Variants in SLC2A13 observed in about 807,000 individuals in gnomAD.
SLC2A13 encodes proton myo-inositol cotransporter.
Under a neutral mutation model 64.4 loss-of-function variants are expected in SLC2A13, and 32 were observed. The observed-to-expected ratio is 0.50, with a 90% CI of 0.37 to 0.67. SLC2A13 has a LOEUF of 0.67. Among genes scored for constraint, SLC2A13 ranks in the 30% least tolerant of loss-of-function variants. The pLI is 0.00. For missense variants in SLC2A13, 743 were observed against 829.2 expected, an observed-to-expected ratio of 0.90 and a Z score of 1.28; for synonymous variants, 338 against 327.1, an observed-to-expected ratio of 1.03 and a Z score of -0.36.
At chr12:40,082,902 T>C (rs1938459943) in intron 1 of SLC2A13, among the ~76,000 whole-genome samples, 1 of 152,190 alleles carries the variant, frequency 6.6e-6, no homozygotes, top group Non-Finnish European at 1.5e-5. Flanking sequence ...AGCAACTCCA[T>C]GCAGGGTTTC....
intron 1 of SLC2A13, among the ~76,000 whole-genome samples, chr12:40,095,858 AT>A (rs1229543241): frequency 2.6e-5 from 4 of 152,206 alleles, no homozygotes; most frequent in Non-Finnish European, 5.9e-5. Context: ...ATTGCAATTT[AT>A]TTTACAAGCA....
intron 4 of SLC2A13, among the ~76,000 whole-genome samples, chr12:39,890,510 A>C (rs1944577472): frequency 6.6e-6 from 1 of 152,208 alleles, no homozygotes; most frequent in Non-Finnish European, 1.5e-5. Context: ...GCCTAATATA[A>C]GCATGAGAGT....
At chr12:40,057,325 G>T (rs1450107050) in intron 1 of SLC2A13, among the ~76,000 whole-genome samples, 1 of 152,064 alleles carries the variant, frequency 6.6e-6, no homozygotes, top group Non-Finnish European at 1.5e-5. Flanking sequence ...TCAGGTATGG[G>T]TGCTAAAGCT....
intron 7 of SLC2A13, among the ~76,000 whole-genome samples, chr12:39,811,122 T>A (rs1323086453): frequency 6.6e-6 from 1 of 152,100 alleles, no homozygotes; most frequent in Non-Finnish European, 1.5e-5. Flanking sequence ...CTTTTGGAAA[T>A]ATGTGTCACC....
chr12:40,048,308 G>A, intron 1 of SLC2A13, 98 bp from the exon 2 acceptor site: 1 of 1,244,726 alleles, frequency 8.0e-7, no homozygotes, highest in South Asian at 1.9e-5. Context: ...ACATATATGG[G>A]CTTGGTTTTC....
intron 1 of SLC2A13, among the ~76,000 whole-genome samples, chr12:40,092,452 A>G (rs1938799503): frequency 6.6e-6 from 1 of 152,208 alleles, no homozygotes; most frequent in Non-Finnish European, 1.5e-5. Context: ...GATCAGATCA[A>G]CCTCAAGATT....
intron 4 of SLC2A13, among the ~76,000 whole-genome samples, chr12:39,909,996 T>C (rs1945390721): frequency 6.6e-6 from 1 of 152,024 alleles, no homozygotes; most frequent in African/African-American, 2.4e-5. Context: ...GATATCTTTT[T>C]TAAAAAAGTA....
chr12:39,907,434 A>G (rs1945317682), intron 4 of SLC2A13, among the ~76,000 whole-genome samples: 1 of 152,124 alleles, frequency 6.6e-6, no homozygotes, highest in South Asian at 2.1e-4. Flanking sequence ...CTTTTTGTGT[A>G]GCACTCAAGA....
intron 5 of SLC2A13, among the ~76,000 whole-genome samples, chr12:39,870,696 A>C (rs1944025125): frequency 6.6e-6 from 1 of 152,166 alleles, no homozygotes; most frequent in African/African-American, 2.4e-5. Flanking sequence ...TTGCCCCTTA[A>C]TCAGACAATC....
chr12:39,914,918 C>T (rs998793848), intron 4 of SLC2A13, among the ~76,000 whole-genome samples: 4 of 151,700 alleles, frequency 2.6e-5, no homozygotes, highest in Non-Finnish European at 5.9e-5. Context: ...CTAAAATGCA[C>T]GAATTATAAT....
intron 5 of SLC2A13, among the ~76,000 whole-genome samples, chr12:39,871,557 C>T: frequency 6.6e-6 from 1 of 152,020 alleles, no homozygotes; most frequent in Non-Finnish European, 1.5e-5. Flanking sequence ...AAATGTTACC[C>T]TCAGTAGATC....
At chr12:40,034,169 G>A (rs1399104863) in intron 2 of SLC2A13, among the ~76,000 whole-genome samples, 1 of 152,152 alleles carries the variant, frequency 6.6e-6, no homozygotes, top group African/African-American at 2.4e-5. Context: ...AATTGTTTTT[G>A]TAGCCCTTGA....
intron 7 of SLC2A13, among the ~76,000 whole-genome samples, chr12:39,785,030 T>C (rs1016586969): frequency 2.0e-5 from 3 of 152,112 alleles, no homozygotes; most frequent in African/African-American, 4.8e-5. Context: ...AGCCTTATGA[T>C]GTAGTAGAAT....
chr12:40,106,072 C>A lies in SLC2A13; in HGVS notation c.-264G>T. ...CCCCGCGCCTGCCGAGCTGGCGCTG[C>A]GGAGCGGGCGGGAGGCGGGACCGCG... is the stretch of plus-strand genomic sequence containing the variant. On this transcript the variant is annotated 5_prime_UTR_variant, in exon 1 of 10. Transcript: ENST00000280871. 1 of 325,250 alleles carries A rather than the reference C, an allele frequency of 3.1e-6. No individual in the cohort carries two copies. The highest frequency in any genetic ancestry group is 5.5e-6 in the Non-Finnish European group (1 of 183,366). The allele number at this position is 325,250 out of a possible 1,614,324, so 20.1% of individuals were successfully genotyped here.
At chr12:39,877,836 T>G (rs1176473468) in intron 4 of SLC2A13, among the ~76,000 whole-genome samples, 1 of 152,212 alleles carries the variant, frequency 6.6e-6, no homozygotes, top group African/African-American at 2.4e-5. Flanking sequence ...AATTTGGATA[T>G]TCATCCCTGC....
chr12:39,910,950 G>A (rs945667733), intron 4 of SLC2A13, among the ~76,000 whole-genome samples: 1 of 151,908 alleles, frequency 6.6e-6, no homozygotes, highest in African/African-American at 2.4e-5. Flanking sequence ...CAGGTGTAGT[G>A]GCAGGTGCTT....
intron 6 of SLC2A13, 90 bp from the exon 7 acceptor site, chr12:39,830,318 C>A (rs1185203045): frequency 6.6e-7 from 1 of 1,522,526 alleles, no homozygotes; most frequent in East Asian, 2.3e-5. Context: ...GCATTTTCCA[C>A]TCTCTTGTGC....
Position 40,105,904 on chromosome 12 carries a change from TG to T in SLC2A13, c.-97del. On this transcript the variant is annotated 5_prime_UTR_variant, in exon 1 of 10. Coordinates refer to ENST00000280871, the MANE Select transcript of SLC2A13 (RefSeq NM_052885.4). The surrounding 1 kb of genome is among the most constrained non-coding windows in gnomAD (Gnocchi z 4.2). ...CCGAGCCGGCGGGAGCAACCGCCGC[TG>T]CCGCCGCTTTCTTCCTCCCGGCTTC... The T allele has an allele frequency of 1.6e-6, 2 of 1,252,290 alleles. No individual in the cohort carries two copies. Among genetic ancestry groups the T allele is most frequent in the Non-Finnish European group, 2.0e-6 (2 of 990,950 alleles). 77.6% of individuals were successfully genotyped at this position (1,252,290 alleles called of 1,614,324 possible).
chr12:39,810,479 T>C (rs1242794874), intron 7 of SLC2A13, among the ~76,000 whole-genome samples: 1 of 152,220 alleles, frequency 6.6e-6, no homozygotes, highest in Admixed American at 6.5e-5. Context: ...TGCCTTTTCT[T>C]GCCTTATTAC....
Sources: gnomAD v4.1 joint callset for allele counts (sites outside exome capture counted in the v4.1 genomes callset) on GRCh38, gnomAD v4.1.1 for gene constraint, Gnocchi (gnomAD v3.1) non-coding constraint, MANE v1.5 for transcripts, NCBI Gene and HGNC (gene_info 2026-07-23, HGNC 2026-07-21) for gene names.